The following GLRX3 variants were observed in gnomAD, a reference collection of about 807,000 sequenced individuals.
GLRX3 encodes the protein glutaredoxin-3.
Under a neutral mutation model 49.5 loss-of-function variants are expected in GLRX3, and 22 were observed. The observed-to-expected ratio is 0.44, with a 90% CI of 0.32 to 0.63. The LOEUF is 0.63. Among genes scored for constraint, GLRX3 ranks in the 30% least tolerant of loss-of-function variants. The pLI is 0.05. For synonymous variants in GLRX3, 133 were observed against 140.0 expected (o/e 0.95, Z 0.35); for missense variants, 385 against 396.3 (o/e 0.97, Z 0.24).
In GLRX3 at chr10:130,145,208, C is replaced by T. The variant is rs988601658; in HGVS notation, c.93-3C>T. The T allele has an allele frequency of 3.3e-6, 4 of 1,224,838 alleles. No individual in the cohort carries two copies. Among genetic ancestry groups the T allele is most frequent in the Non-Finnish European group, 3.5e-6 (3 of 850,368 alleles). The allele number at this position is 1,224,838 out of a possible 1,614,324, so 75.9% of individuals were successfully genotyped here. On this transcript the variant is annotated splice_polypyrimidine_tract_variant and splice_region_variant and intron_variant, in intron 1 of 10. Coordinates refer to ENST00000331244, the MANE Select transcript of GLRX3 (RefSeq NM_006541.5). ...TAAATAAATGCATTTAATTGATTTA[C>T]AGGTCCCTCCTTGTGGTCCATTTCT...
chr10:130,156,590 G>C (rs978292451), intron 2 of GLRX3, among the ~76,000 whole-genome samples: 2 of 146,342 alleles, frequency 1.4e-5, no homozygotes, highest in African/African-American at 5.3e-5. Flanking sequence ...TGAGGATTAA[G>C]TGAGTCTATA....
intron 8 of GLRX3, 122 bp from the exon 9 acceptor site, chr10:130,174,745 T>TTA: frequency 1.4e-6 from 1 of 694,108 alleles, no homozygotes; most frequent in East Asian, 2.5e-5. Flanking sequence ...TCCATTGGTC[T>TTA]GTAGTACATT....
chr10:130,169,729 TGTG>T (rs1862768141), intron 7 of GLRX3, among the ~76,000 whole-genome samples: 1 of 152,262 alleles, frequency 6.6e-6, no homozygotes, highest in South Asian at 2.1e-4. Flanking sequence ...TGTCAGCTAA[TGTG>T]GTCAACACTG....
rs2077105084 is a variant in GLRX3, at chr10:130,136,430, G to A, written c.10G>A (p.Gly4Arg). 13 of 1,255,508 alleles carry A rather than the reference G, an allele frequency of 1.0e-5. No homozygotes were observed. Among genetic ancestry groups the A allele is most frequent in the Non-Finnish European group, 1.3e-5 (13 of 993,922 alleles). 77.8% of individuals were successfully genotyped at this position (1,255,508 alleles called of 1,614,324 possible). Residue 4 changes from glycine (G) to arginine (R), a missense_variant, in exon 1 of 11, where the codon GGG (glycine) becomes AGG (arginine). Around this residue, in one of 2 missense-constraint regions of GLRX3, gnomAD observed 374 missense variants for 358.6 expected, o/e 1.04. Transcript: ENST00000331244. Reference sequence around the variant, plus strand: ...GTCTGGCGGCGGCAGCATGGCGGCGGGGGCGGCTGAGGCAGCTGTAGCGGC... The same window carrying A: ...GTCTGGCGGCGGCAGCATGGCGGCGAGGGCGGCTGAGGCAGCTGTAGCGGC... Reference protein sequence around the residue: MAAGAAEAAVAAVE... With the variant: MAARAAEAAVAAVE...
chr10:130,161,032 T>C (rs1862567701), intron 4 of GLRX3, 35 bp downstream of exon 4: 1 of 1,473,634 alleles, frequency 6.8e-7, no homozygotes, highest in East Asian at 2.3e-5. Context: ...ATAAACAAAA[T>C]GGGTGCTTTC....
At chr10:130,142,323 T>A (rs2134870795) in intron 1 of GLRX3, among the ~76,000 whole-genome samples, 1 of 152,232 alleles carries the variant, frequency 6.6e-6, no homozygotes, top group East Asian at 1.9e-4. Flanking sequence ...CTCCTTCCAC[T>A]CTCACCTCTC....
chr10:130,149,434 T>C (rs1862329764), intron 2 of GLRX3, among the ~76,000 whole-genome samples: 2 of 144,610 alleles, frequency 1.4e-5, no homozygotes, highest in East Asian at 2.0e-4. Context: ...AGAGCAAGAC[T>C]CCGTCTCAAA....
Position 130,166,875 on chromosome 10 carries a change from T to C in GLRX3, c.652-44T>C, listed in dbSNP as rs746406715. On this transcript the variant is annotated intron_variant, in intron 5 of 10. Transcript: ENST00000331244. ...ATGGTATGATCAAGGAGATTTATGTTATAATAATTTTTTTCATAAAACTGG... is the reference window on the plus strand; with the variant it reads ...ATGGTATGATCAAGGAGATTTATGTCATAATAATTTTTTTCATAAAACTGG... The C allele has an allele frequency of 4.0e-6, 5 of 1,235,574 alleles. No homozygotes were observed. In the Admixed American group the frequency reaches 7.7e-5, roughly 19 times the overall value. The allele number at this position is 1,235,574 out of a possible 1,614,324, so 76.5% of individuals were successfully genotyped here.
intron 2 of GLRX3, among the ~76,000 whole-genome samples, chr10:130,147,415 A>C (rs1052390644): frequency 2.6e-5 from 4 of 152,198 alleles, no homozygotes; most frequent in African/African-American, 9.6e-5. Flanking sequence ...TTGGTACCAG[A>C]CTTGGCAGTG....
chr10:130,178,661 C>T (rs2134935555), intron 10 of GLRX3, among the ~76,000 whole-genome samples: 1 of 152,270 alleles, frequency 6.6e-6, no homozygotes, highest in Non-Finnish European at 1.5e-5. Flanking sequence ...TTTCCTAATA[C>T]TAAACAATCT....
At position 130,169,416 on chromosome 10, in the gene GLRX3, C is replaced by A. The variant is rs1364270221; in HGVS notation, c.714-17C>A. On this transcript the variant is annotated splice_polypyrimidine_tract_variant and intron_variant, in intron 6 of 10. Coordinates refer to ENST00000331244, the MANE Select transcript of GLRX3 (RefSeq NM_006541.5). ...ATAATTGAGCTGAGCCGTTTTATAT[C>A]AATTTTCTCTCTTTAGGCTCAAAGT... 7 of 1,581,396 alleles carry A rather than the reference C, an allele frequency of 4.4e-6. No homozygotes were observed. In the African/African-American group the frequency reaches 8.1e-5, roughly 18 times the overall value.
At chr10:130,152,605 C>T (rs1003577408) in intron 2 of GLRX3, among the ~76,000 whole-genome samples, 1 of 152,216 alleles carries the variant, frequency 6.6e-6, no homozygotes, top group Non-Finnish European at 1.5e-5. Flanking sequence ...GTTGAAAATT[C>T]TTTAAGAATG....
intron 8 of GLRX3, 124 bp from the exon 9 acceptor site, chr10:130,174,743 T>C (rs1200864647): frequency 1.5e-6 from 1 of 686,924 alleles, no homozygotes. Context: ...TTTCCATTGG[T>C]CTGTAGTACA....
At chr10:130,162,180 A>G (rs1490568173) in intron 4 of GLRX3, among the ~76,000 whole-genome samples, 1 of 152,096 alleles carries the variant, frequency 6.6e-6, no homozygotes, top group Non-Finnish European at 1.5e-5. Context: ...GGGTTTGTCC[A>G]TGTTGGTCAG....
At chr10:130,165,111 C>T (rs960170880) in intron 4 of GLRX3, among the ~76,000 whole-genome samples, 3 of 152,148 alleles carry the variant, frequency 2.0e-5, no homozygotes, top group Non-Finnish European at 4.4e-5. Flanking sequence ...CCCATTCTTG[C>T]AATTAATCTT....
intron 2 of GLRX3, among the ~76,000 whole-genome samples, chr10:130,159,508 T>C (rs750701950): frequency 6.6e-6 from 1 of 152,228 alleles, no homozygotes; most frequent in African/African-American, 2.4e-5. Flanking sequence ...ATCAATAGTT[T>C]ATTGAAGAAA....
At chr10:130,137,933 G>A (rs1200383389) in intron 1 of GLRX3, among the ~76,000 whole-genome samples, 1 of 151,902 alleles carries the variant, frequency 6.6e-6, no homozygotes, top group African/African-American at 2.4e-5. Context: ...ACGAGGTCTC[G>A]CCATGTTGCC....
chr10:130,165,779 A>C (rs995622970), intron 4 of GLRX3, among the ~76,000 whole-genome samples: 1 of 152,252 alleles, frequency 6.6e-6, no homozygotes, highest in African/African-American at 2.4e-5. Context: ...TTGGGTTTTA[A>C]GTATAGTCAA....
At chr10:130,142,568 C>T (rs1411360302) in intron 1 of GLRX3, among the ~76,000 whole-genome samples, 1 of 152,168 alleles carries the variant, frequency 6.6e-6, no homozygotes, top group Non-Finnish European at 1.5e-5. Context: ...ATTAAAAAGG[C>T]CCATCCCTTG....
Sources: gnomAD v4.1 joint callset for allele counts (sites outside exome capture counted in the v4.1 genomes callset) on GRCh38, gnomAD v4.1.1 for gene constraint, gnomAD v4.1.1 regional missense constraint, MANE v1.5 for transcripts, NCBI Gene and HGNC (gene_info 2026-07-23, HGNC 2026-07-21) for gene names.